Variants in COL14A1 observed in about 807,000 individuals in gnomAD.
The protein encoded by COL14A1 is collagen alpha-1(XIV) chain.
In COL14A1, 136 loss-of-function variants were observed where a neutral mutation model predicts 230.3. That is an observed-to-expected ratio of 0.59 (90% CI 0.51 to 0.68). The LOEUF is 0.68. Among genes scored for constraint, COL14A1 ranks in the 30% least tolerant of loss-of-function variants. COL14A1 has a pLI of 0.00. For missense variants in COL14A1, 1,976 were observed against 2,215.8 expected (o/e 0.89, Z 2.17); for synonymous variants, 792 against 784.1 (o/e 1.01, Z -0.17).
intron 40 of COL14A1, among the ~76,000 whole-genome samples, chr8:120,328,419 TA>T (rs370473492): frequency 1.3e-5 from 2 of 150,232 alleles, no homozygotes; most frequent in African/African-American, 4.9e-5. Context: ...TTGGTAGAGA[TA>T]GGGGTGTCTT....
intron 1 of COL14A1, among the ~76,000 whole-genome samples, chr8:120,136,901 G>A (rs1191358584): frequency 7.7e-6 from 1 of 130,408 alleles, no homozygotes; most frequent in Non-Finnish European, 1.6e-5. Context: ...GTAGGAGGTT[G>A]CAGTGAGCCA....
chr8:120,194,019 CG>C (rs537180655), intron 5 of COL14A1, among the ~76,000 whole-genome samples: 132 of 152,320 alleles, frequency 8.7e-4, no homozygotes, highest in Admixed American at 1.8e-3. Flanking sequence ...GGCAATGCCT[CG>C]CCCTGCTTCG....
At chr8:120,205,766 T>C (rs974726718) in intron 9 of COL14A1, among the ~76,000 whole-genome samples, 3 of 152,190 alleles carry the variant, frequency 2.0e-5, no homozygotes, top group Non-Finnish European at 4.4e-5. Flanking sequence ...CTACATGTGG[T>C]TGATGATACA....
chr8:120,203,459 C>T (rs1817323441), intron 8 of COL14A1, among the ~76,000 whole-genome samples: 1 of 151,832 alleles, frequency 6.6e-6, no homozygotes, highest in Admixed American at 6.6e-5. Context: ...TATTTTCTTT[C>T]TATATGAATA....
At chr8:120,309,873 T>C in intron 36 of COL14A1, 136 bp from the exon 37 acceptor site, 1 of 641,972 alleles carries the variant, frequency 1.6e-6, no homozygotes, top group Non-Finnish European at 2.5e-6. Context: ...AGGATCATGA[T>C]GAATGTATAC....
chr8:120,195,090 T>C (rs1290800389), intron 5 of COL14A1, among the ~76,000 whole-genome samples: 1 of 152,190 alleles, frequency 6.6e-6, no homozygotes, highest in African/African-American at 2.4e-5. Context: ...GAGTATTTCA[T>C]TGGCAAATTC....
At chr8:120,279,532 A>G (rs1819971214) in intron 28 of COL14A1, among the ~76,000 whole-genome samples, 1 of 145,868 alleles carries the variant, frequency 6.9e-6, no homozygotes, top group Non-Finnish European at 1.5e-5. Context: ...AGGCCTATTA[A>G]TGTCTCAGCT....
intron 1 of COL14A1, among the ~76,000 whole-genome samples, chr8:120,137,329 T>C (rs1814749301): frequency 6.6e-6 from 1 of 152,120 alleles, no homozygotes; most frequent in African/African-American, 2.4e-5. Context: ...TTATTCCTGG[T>C]ATTGTTAATT....
chr8:120,345,013 A>G lies in COL14A1; in HGVS notation c.4889-362A>G, dbSNP rs141373635. On this transcript the variant is annotated intron_variant, in intron 44 of 47. Transcript: ENST00000297848. The stretch of plus-strand genomic sequence containing the variant: ...GCTTTGTGCGTTTTAGAAAAGAAAA[A>G]TAACTTGGGGAGTAATTGCTAGAGA... 5.2e-4 allele frequency among the ~76,000 whole-genome samples: 79 copies of G among 152,244 alleles called. 1 individual carries two copies. Among genetic ancestry groups the G allele is most frequent in the African/African-American group, 1.7e-3 (69 of 41,542 alleles).
rs1299991960 is a variant in COL14A1, at chr8:120,226,566, T to G, written c.1865-61T>G. 1.6e-5 allele frequency: 25 copies of G among 1,584,952 alleles called. 1 individual carries two copies. In the South Asian group the frequency reaches 2.7e-4, roughly 17 times the overall value. ...AGTCTTCTACACCCCTGGGAGATACTTGGGTTTTGGCTTTCTTGCCTTCTC... is the reference window on the plus strand; with the variant it reads ...AGTCTTCTACACCCCTGGGAGATACGTGGGTTTTGGCTTTCTTGCCTTCTC... On this transcript the variant is annotated intron_variant, in intron 15 of 47. Coordinates refer to ENST00000297848, the MANE Select transcript of COL14A1 (RefSeq NM_021110.4).
chr8:120,268,536 G>A (rs1819566107), intron 25 of COL14A1, among the ~76,000 whole-genome samples: 1 of 151,598 alleles, frequency 6.6e-6, no homozygotes, highest in African/African-American at 2.4e-5. Context: ...TAGAAACATT[G>A]GTTCTGAGAT....
At chr8:120,180,027 C>T (rs1204568538) in intron 5 of COL14A1, among the ~76,000 whole-genome samples, 4 of 152,056 alleles carry the variant, frequency 2.6e-5, no homozygotes, top group Non-Finnish European at 5.9e-5. Context: ...CTTCCTTACA[C>T]CTTATACAAA....
At chr8:120,360,539 C>T (rs146655400) in intron 45 of COL14A1, among the ~76,000 whole-genome samples, 4 of 152,356 alleles carry the variant, frequency 2.6e-5, no homozygotes, top group South Asian at 2.1e-4. Context: ...CGTCTGCCAC[C>T]GTGCCCATCT....
intron 24 of COL14A1, among the ~76,000 whole-genome samples, chr8:120,265,054 C>A (rs1241888501): frequency 6.6e-6 from 1 of 152,108 alleles, no homozygotes; most frequent in Non-Finnish European, 1.5e-5. Context: ...TGAAGCAATG[C>A]AGGTAAAGAC....
intron 20 of COL14A1, 146 bp downstream of exon 20, chr8:120,244,154 T>C (rs960300455): frequency 2.1e-6 from 2 of 930,396 alleles, no homozygotes; most frequent in Non-Finnish European, 3.1e-6. Context: ...ATCCTGTCTT[T>C]ACACACACAA....
chr8:120,328,964 G>C (rs1176341067), intron 40 of COL14A1, among the ~76,000 whole-genome samples: 3 of 152,126 alleles, frequency 2.0e-5, no homozygotes, highest in Non-Finnish European at 4.4e-5. Context: ...CGGGTCCTCT[G>C]TGGGCTCACG....
intron 45 of COL14A1, among the ~76,000 whole-genome samples, chr8:120,350,876 A>C (rs1822732508): frequency 6.6e-6 from 1 of 151,634 alleles, no homozygotes; most frequent in South Asian, 2.1e-4. Context: ...TCAGCTCTGC[A>C]CCAAGCGGAC....
At chr8:120,255,405 A>G (rs2129714334) in intron 23 of COL14A1, 49 bp downstream of exon 23, 1 of 1,361,660 alleles carries the variant, frequency 7.3e-7, no homozygotes, top group Non-Finnish European at 1.1e-6. Flanking sequence ...TGTGTATTTG[A>G]TTCTTTGCAC....
At chr8:120,173,612 TATCTATCATCC>T (rs1044169565) in intron 5 of COL14A1, among the ~76,000 whole-genome samples, 5 of 106,270 alleles carry the variant, frequency 4.7e-5, no homozygotes, top group Non-Finnish European at 9.8e-5. Flanking sequence ...AATCATCTGT[TATCTATCATCC>T]ATCTATCATC....
Sources: allele counts gnomAD v4.1 joint callset (sites outside exome capture counted in the v4.1 genomes callset), GRCh38; gene constraint gnomAD v4.1.1; transcripts MANE v1.5; gene names NCBI Gene and HGNC (gene_info 2026-07-23, HGNC 2026-07-21).